RNF141: variants seen among roughly 807,000 people sequenced by gnomAD.
RNF141 encodes the protein C3HC4-like zinc finger protein.
In RNF141, 18 loss-of-function variants were observed where a neutral mutation model predicts 27.4. That is an observed-to-expected ratio of 0.66 (90% CI 0.45 to 0.97). The LOEUF (loss-of-function observed/expected upper bound fraction) is 0.97. Ranked by LOEUF, RNF141 falls within the 50% of genes least tolerant of loss-of-function variation. The pLI, the probability that RNF141 is intolerant of heterozygous loss-of-function variation, is 0.00. For missense variants in RNF141, 230 were observed against 279.4 expected, an observed-to-expected ratio of 0.82 and a Z score of 1.26; for synonymous variants, 97 against 96.6, an observed-to-expected ratio of 1.00 and a Z score of -0.02.
At chr11:10,532,714 G>A (rs1389564905) in intron 2 of RNF141, among the ~76,000 whole-genome samples, 1 of 152,090 alleles carries the variant, frequency 6.6e-6, no homozygotes, top group Non-Finnish European at 1.5e-5. Flanking sequence ...ATATGTTACA[G>A]ATTGCTAAGC....
intron 2 of RNF141, among the ~76,000 whole-genome samples, chr11:10,533,811 C>T (rs980919902): frequency 2.0e-5 from 3 of 152,116 alleles, no homozygotes; most frequent in African/African-American, 7.2e-5. Context: ...TAAGTTCTTT[C>T]CATATCTTCT....
chr11:10,525,081 G>GA (rs55738534), intron 4 of RNF141, 111 bp downstream of exon 4: 404,752 of 521,890 alleles, frequency 0.78, 145,060 homozygotes, highest in African/African-American at 0.89. Context: ...TACCAACTGA[G>GA]AAAAAAAAAA....
At position 10,514,879 on chromosome 11, in the gene RNF141, G is replaced by A. The variant is rs779142389; in HGVS notation, c.*37C>T. On this transcript the variant is annotated 3_prime_UTR_variant, in exon 6 of 6. Transcript: ENST00000265981. ...ATTCTTCCCCCATGACCAAATATTTGAGCCCACAATAGCAACAGAAGACTT... is the reference window on the plus strand; with the variant it reads ...ATTCTTCCCCCATGACCAAATATTTAAGCCCACAATAGCAACAGAAGACTT... 3.2e-6 allele frequency: 5 copies of A among 1,568,014 alleles called. No individual in the cohort carries two copies. The African/African-American group carries it at 5.5e-5, about 17-fold the overall frequency.
At chr11:10,528,309 C>G (rs1849956007) in intron 3 of RNF141, among the ~76,000 whole-genome samples, 2 of 152,092 alleles carry the variant, frequency 1.3e-5, no homozygotes, top group African/African-American at 2.4e-5. Context: ...CTCTCAGATT[C>G]TTTCAGAAAG....
intron 1 of RNF141, among the ~76,000 whole-genome samples, chr11:10,535,442 G>A (rs1850025907): frequency 7.2e-6 from 1 of 138,952 alleles, no homozygotes; most frequent in Non-Finnish European, 1.5e-5. Flanking sequence ...ATGAAAGGAA[G>A]TTGTTGAGGA....
Position 10,514,827 on chromosome 11 carries a change from G to A in RNF141, c.*89C>T. On this transcript the variant is annotated 3_prime_UTR_variant, in exon 6 of 6. Transcript: ENST00000265981. ...AAGAGTGGGGAAAATGGATTTTCCTGTGTCTGTGCCAGTGCCACAACCCTA... is the reference window on the plus strand; with the variant it reads ...AAGAGTGGGGAAAATGGATTTTCCTATGTCTGTGCCAGTGCCACAACCCTA... The A allele has an allele frequency of 1.6e-6, 2 of 1,224,890 alleles. No homozygotes were observed. Among genetic ancestry groups the A allele is most frequent in the South Asian group, 1.9e-5 (1 of 53,256 alleles). The allele number at this position is 1,224,890 out of a possible 1,614,324, so 75.9% of individuals were successfully genotyped here.
chr11:10,539,365 A>T (rs1379910220), intron 1 of RNF141, among the ~76,000 whole-genome samples: 3 of 152,054 alleles, frequency 2.0e-5, no homozygotes, highest in African/African-American at 7.2e-5. Flanking sequence ...TAGTATTTTA[A>T]AAACCTCTCT....
intron 5 of RNF141, chr11:10,518,428 T>A (rs1189231207): frequency 6.6e-6 from 1 of 152,026 alleles, no homozygotes; most frequent in Non-Finnish European, 1.5e-5. Flanking sequence ...GAACTATTGA[T>A]ACATGCTACA....
intron 3 of RNF141, among the ~76,000 whole-genome samples, chr11:10,526,568 G>A (rs1011131099): frequency 2.0e-5 from 3 of 152,108 alleles, no homozygotes; most frequent in Non-Finnish European, 2.9e-5. Flanking sequence ...CAGATCATGA[G>A]GTCAGGAGAT....
Position 10,539,701 on chromosome 11 carries a change from A to AT in RNF141, c.-48+1420_-48+1421insA, listed in dbSNP as rs10524171. Reference sequence around the variant, plus strand: ...AGAAAAAGATACATACATATATATTAGAGAGAGAAGGAGAGAGAAACTACA... The same window carrying AT: ...AGAAAAAGATACATACATATATATTATGAGAGAGAAGGAGAGAGAAACTACA... On this transcript the variant is annotated intron_variant, in intron 1 of 5. Coordinates refer to ENST00000265981, the MANE Select transcript of RNF141 (RefSeq NM_016422.4). Among the ~76,000 whole-genome samples, 20 of 31,458 alleles carry AT rather than the reference A, an allele frequency of 6.4e-4. 1 individual carries two copies. Among genetic ancestry groups the AT allele is most frequent in the East Asian group, 3.6e-3 (4 of 1,114 alleles). The allele number at this position is 31,458 out of a possible 152,430, so 20.6% of individuals were successfully genotyped here.
chr11:10,536,162 G>C (rs1850032894), intron 1 of RNF141, among the ~76,000 whole-genome samples: 1 of 152,126 alleles, frequency 6.6e-6, no homozygotes, highest in Non-Finnish European at 1.5e-5. Flanking sequence ...TTTGTATCAG[G>C]GAAGAAGTCC....
chr11:10,528,371 G>GA (rs1849958476), intron 3 of RNF141, among the ~76,000 whole-genome samples: 1 of 152,016 alleles, frequency 6.6e-6, no homozygotes, highest in Non-Finnish European at 1.5e-5. Flanking sequence ...CTAAAATCAA[G>GA]AAAAATCACA....
intron 4 of RNF141, among the ~76,000 whole-genome samples, chr11:10,519,887 A>G (rs974996279): frequency 3.3e-5 from 5 of 152,210 alleles, no homozygotes; most frequent in African/African-American, 1.2e-4. Context: ...AGGAGTGTAC[A>G]ATCTTTTGGC....
At chr11:10,532,532 CACACACCCCA>C (rs759340238) in intron 2 of RNF141, among the ~76,000 whole-genome samples, 11,528 of 131,138 alleles carry the variant, frequency 0.088, 593 homozygotes, top group Non-Finnish European at 0.13. Flanking sequence ...CACACACACA[CACACACCCCA>C]CAACTATATA....
chr11:10,520,983 C>T (rs560561289), intron 4 of RNF141, among the ~76,000 whole-genome samples: 7 of 152,252 alleles, frequency 4.6e-5, no homozygotes, highest in Non-Finnish European at 8.8e-5. Flanking sequence ...TGATAATGGG[C>T]ATATGAGTGA....
At chr11:10,523,264 C>G (rs1849904247) in intron 4 of RNF141, among the ~76,000 whole-genome samples, 1 of 152,228 alleles carries the variant, frequency 6.6e-6, no homozygotes. Flanking sequence ...GCTCTGTGTG[C>G]AAGATCTTTA....
chr11:10,523,762 C>G (rs916349505), intron 4 of RNF141, among the ~76,000 whole-genome samples: 1 of 152,164 alleles, frequency 6.6e-6, no homozygotes, highest in Admixed American at 6.5e-5. Flanking sequence ...ACAATACTTT[C>G]TTTTCATGTG....
intron 5 of RNF141, chr11:10,515,553 C>T (rs1849836818): frequency 6.6e-6 from 1 of 152,174 alleles, no homozygotes; most frequent in Non-Finnish European, 1.5e-5. Flanking sequence ...AATAAAAATT[C>T]CTTCTGAGTC....
At chr11:10,533,495 A>T (rs1313629610) in intron 2 of RNF141, among the ~76,000 whole-genome samples, 1 of 152,090 alleles carries the variant, frequency 6.6e-6, no homozygotes, top group African/African-American at 2.4e-5. Context: ...ATAAGCTATT[A>T]CTACATATGT....
Sources: gnomAD v4.1 joint callset for allele counts (sites outside exome capture counted in the v4.1 genomes callset) on GRCh38, gnomAD v4.1.1 for gene constraint, MANE v1.5 for transcripts, NCBI Gene and HGNC (gene_info 2026-07-23, HGNC 2026-07-21) for gene names.